Variants in NDOR1 observed in about 807,000 individuals in gnomAD.
The protein encoded by NDOR1 is NADPH dependent diflavin oxidoreductase 1, also known as NADPH-dependent diflavin oxidoreductase 1.
A neutral mutation model predicts 67.2 loss-of-function variants in NDOR1; 61 were observed. That is an observed-to-expected ratio of 0.91 (90% CI 0.74 to 1.12). NDOR1 has a LOEUF of 1.12. NDOR1 is among the 50% of genes most tolerant of loss of function. The pLI, the probability that NDOR1 is intolerant of heterozygous loss-of-function variation, is 0.00. For missense variants in NDOR1, 878 were observed against 802.8 expected, an observed-to-expected ratio of 1.09 and a Z score of -1.13; for synonymous variants, 378 against 343.7, an observed-to-expected ratio of 1.10 and a Z score of -1.10.
In NDOR1 at chr9:137,214,711, C is replaced by T. The variant is rs756041987; in HGVS notation, c.844+20C>T. On this transcript the variant is annotated intron_variant, in intron 7 of 13. Coordinates refer to ENST00000684003, the MANE Select transcript of NDOR1 (RefSeq NM_014434.4). ...AGCCAGGTGAGCCCAGCCTCGGCCACCCTGACTCTCTGCCCTCTCCCGTGC... is the reference window on the plus strand; with the variant it reads ...AGCCAGGTGAGCCCAGCCTCGGCCATCCTGACTCTCTGCCCTCTCCCGTGC... 8 of 1,600,416 alleles carry T rather than the reference C, an allele frequency of 5.0e-6. No individual in the cohort carries two copies. In the African/African-American group the frequency reaches 9.3e-5, roughly 19 times the overall value.
At position 137,216,907 on chromosome 9, in the gene NDOR1, GC is replaced by G. The variant is rs1165593284; in HGVS notation, c.*493del. On this transcript the variant is annotated 3_prime_UTR_variant, in exon 14 of 14. Transcript: ENST00000684003. ...GGCTGGGCTCAGAGGCCACTGAGAT[GC>G]CAGCTCCTTGAGAGCAGTGGGGGTG... The G allele has an allele frequency of 5.3e-6, 1 of 189,244 alleles. No individual in the cohort carries two copies. The highest frequency in any genetic ancestry group is 1.1e-5 in the Non-Finnish European group (1 of 90,298). 11.7% of individuals were successfully genotyped at this position (189,244 alleles called of 1,614,324 possible).
Position 137,218,471 on chromosome 9 carries a change from C to T in NDOR1, c.*2055C>T, listed in dbSNP as rs1398882817. The T allele has an allele frequency of 1.5e-5, 6 of 396,984 alleles. No homozygotes were observed. Among genetic ancestry groups the T allele is most frequent in the Non-Finnish European group, 2.2e-5 (5 of 226,108 alleles). 24.6% of individuals were successfully genotyped at this position (396,984 alleles called of 1,614,324 possible). On this transcript the variant is annotated 3_prime_UTR_variant, in exon 14 of 14. Transcript: ENST00000684003. ...TGCCCGGCTCTGGACCCTGCGGGAG[C>T]GGGGACCCTGTGCCCGCCGCCTGGC...
In NDOR1 at chr9:137,218,664, A is replaced by G; in HGVS notation, c.*2248A>G. On this transcript the variant is annotated 3_prime_UTR_variant, in exon 14 of 14. Coordinates refer to ENST00000684003, the MANE Select transcript of NDOR1 (RefSeq NM_014434.4). ...GGGGCCCAGACTGGCCCACGTCCCC[A>G]TGCCTGGGTGCTGTGAGGCCTGATG... The G allele has an allele frequency of 2.5e-6, 1 of 398,348 alleles. No homozygotes were observed. 24.7% of individuals were successfully genotyped at this position (398,348 alleles called of 1,614,324 possible).
chr9:137,210,515 T>A (rs1378630857), intron 2 of NDOR1, among the ~76,000 whole-genome samples: 1 of 151,650 alleles, frequency 6.6e-6, no homozygotes, highest in Non-Finnish European at 1.5e-5. Flanking sequence ...TGGCCAGAAA[T>A]AGTTCTTTAA....
At chr9:137,215,329 G>C in intron 9 of NDOR1, 78 bp from the exon 10 acceptor site, 3 of 1,551,756 alleles carry the variant, frequency 1.9e-6, no homozygotes, top group Non-Finnish European at 1.8e-6. Flanking sequence ...GCCTCTGCGG[G>C]AGGTAGGTGG....
At position 137,219,360 on chromosome 9, in the gene NDOR1, G is replaced by A. The variant is rs1039619201; in HGVS notation, c.*2944G>A. The A allele has an allele frequency of 7.9e-5, 12 of 151,688 alleles. No homozygotes were observed. The highest frequency in any genetic ancestry group is 2.9e-4 in the African/African-American group (12 of 41,302). 9.4% of individuals were successfully genotyped at this position (151,688 alleles called of 1,614,324 possible). A position where few individuals can be genotyped will look rare whatever the true frequency, so the allele number is the denominator to read the frequency against. ...AGCTTTCAATAAACCAGCTCCTGGG[G>A]ATGCCATTGTTACTACTTGTCTTTG... On this transcript the variant is annotated 3_prime_UTR_variant, in exon 14 of 14. Coordinates refer to ENST00000684003, the MANE Select transcript of NDOR1 (RefSeq NM_014434.4).
At position 137,215,528 on chromosome 9, in the gene NDOR1, C is replaced by G. The variant is rs771695894; in HGVS notation, c.1288+7C>G. On this transcript the variant is annotated splice_region_variant and intron_variant, in intron 10 of 13. Transcript: ENST00000684003. ...TCCCTGGACCCTGGGCAAGGTGACC[C>G]CTGCTCCCAGGGTGGGGGCCGTGGG... The G allele has an allele frequency of 6.2e-7, 1 of 1,612,894 alleles. No individual in the cohort carries two copies. Among genetic ancestry groups the G allele is most frequent in the South Asian group, 1.1e-5 (1 of 91,068 alleles).
At chr9:137,210,833 T>C (rs530706523) in intron 2 of NDOR1, among the ~76,000 whole-genome samples, 3 of 152,212 alleles carry the variant, frequency 2.0e-5, no homozygotes, top group East Asian at 3.9e-4. Context: ...GATGACAGAA[T>C]GAGACCCTGT....
intron 2 of NDOR1, among the ~76,000 whole-genome samples, chr9:137,210,218 CT>C (rs1835185160): frequency 6.6e-6 from 1 of 151,712 alleles, no homozygotes; most frequent in East Asian, 1.9e-4. Flanking sequence ...TTTTCTCTTT[CT>C]CTTTTTCTTT....
chr9:137,213,516 C>T (rs1005053817), intron 3 of NDOR1, among the ~76,000 whole-genome samples: 2 of 152,306 alleles, frequency 1.3e-5, no homozygotes. Context: ...AGGCCGCCTG[C>T]TCCCACCCAC....
rs1003555793 is a variant in NDOR1, at chr9:137,218,125, G to C, written c.*1709G>C. On this transcript the variant is annotated 3_prime_UTR_variant, in exon 14 of 14. Coordinates refer to ENST00000684003, the MANE Select transcript of NDOR1 (RefSeq NM_014434.4). ...GGCCCAGAGAGCGCCGCCTGGCCCT[G>C]CTGAACTGTAGCCACGGCCTGTGTG... is the stretch of plus-strand genomic sequence containing the variant. 2 of 398,630 alleles carry C rather than the reference G, an allele frequency of 5.0e-6. No individual in the cohort carries two copies. The highest frequency in any genetic ancestry group is 4.1e-5 in the African/African-American group (2 of 48,630). The allele number at this position is 398,630 out of a possible 1,614,324, so 24.7% of individuals were successfully genotyped here.
Position 137,216,926 on chromosome 9 carries a change from T to TGG in NDOR1, c.*514_*515dup, listed in dbSNP as rs1835636932. The TGG allele has an allele frequency of 5.3e-6, 1 of 189,346 alleles. No homozygotes were observed. Among genetic ancestry groups the TGG allele is most frequent in the Non-Finnish European group, 1.1e-5 (1 of 90,414 alleles). The allele number at this position is 189,346 out of a possible 1,614,324, so 11.7% of individuals were successfully genotyped here. A position where few individuals can be genotyped will look rare whatever the true frequency, so the allele number is the denominator to read the frequency against. ...TGAGATGCCAGCTCCTTGAGAGCAG[T>TGG]GGGGGTGTCCCAGGCCAGAGCAGCC... On this transcript the variant is annotated 3_prime_UTR_variant, in exon 14 of 14. Transcript: ENST00000684003.
intron 3 of NDOR1, among the ~76,000 whole-genome samples, chr9:137,213,305 G>A (rs140923630): frequency 6.6e-6 from 1 of 152,294 alleles, no homozygotes; most frequent in East Asian, 1.9e-4. Flanking sequence ...TGCCGACAGC[G>A]TTCCCAGGGA....
intron 2 of NDOR1, among the ~76,000 whole-genome samples, chr9:137,208,707 A>G (rs900410787): frequency 2.0e-5 from 3 of 151,712 alleles, no homozygotes; most frequent in Non-Finnish European, 1.5e-5. Flanking sequence ...GCCTGTGATC[A>G]CAGTTACTCC....
chr9:137,216,681 C>T lies in NDOR1; in HGVS notation c.*265C>T. ...TGTGTCCTCGTCCCCCCACCCCCTTCCCAGTCAAGGTGGTGGCCTGGGCCG... is the reference window on the plus strand; with the variant it reads ...TGTGTCCTCGTCCCCCCACCCCCTTTCCAGTCAAGGTGGTGGCCTGGGCCG... On this transcript the variant is annotated 3_prime_UTR_variant, in exon 14 of 14. Transcript: ENST00000684003. 1.9e-6 allele frequency: 1 copy of T among 526,502 alleles called. No homozygotes were observed. Among genetic ancestry groups the T allele is most frequent in the South Asian group, 2.1e-5 (1 of 47,722 alleles). The allele number at this position is 526,502 out of a possible 1,614,324, so 32.6% of individuals were successfully genotyped here. A position where few individuals can be genotyped will look rare whatever the true frequency, so the allele number is the denominator to read the frequency against.
rs1290586909 is a variant in NDOR1 at position 137,214,381 on chromosome 9, G to T, written c.690G>T (p.Leu230=). ...TGPSHFQDVR[L]IEFDILGSGI... ...CCTCCCACTTCCAGGACGTTCGGCT[G>T]ATTGAGTTTGACATCTTGGGCTCTG... Residue 230 remains leucine (L), a synonymous_variant, in exon 6 of 14, where the codon CTG becomes CTT. Coordinates refer to ENST00000684003, the MANE Select transcript of NDOR1 (RefSeq NM_014434.4). 6.2e-7 allele frequency: 1 copy of T among 1,614,064 alleles called. No individual in the cohort carries two copies. The highest frequency in any genetic ancestry group is 8.5e-7 in the Non-Finnish European group (1 of 1,180,042).
In NDOR1 at chr9:137,212,738, A is replaced by C. The variant is rs1449576285; in HGVS notation, c.311+139A>C. ...CCCTCGCAGTGGTACTGGCTTCTCC[A>C]CAACGCTCCCTGGTGGGCACCCCAG... On this transcript the variant is annotated intron_variant, in intron 3 of 13. Transcript: ENST00000684003. The surrounding 1 kb of genome is among the most constrained non-coding windows in gnomAD (Gnocchi z 4.3). 5 of 740,378 alleles carry C rather than the reference A, an allele frequency of 6.8e-6. No individual in the cohort carries two copies. The highest frequency in any genetic ancestry group is 1.2e-5 in the Non-Finnish European group (5 of 433,548). The allele number at this position is 740,378 out of a possible 1,614,324, so 45.9% of individuals were successfully genotyped here.
Position 137,216,020 on chromosome 9 carries a change from G to T in NDOR1, c.1554+3G>T. ...TCCCTGCCTTCTCCCGGGAACAGGT[G>T]TGTATGCTCAGGGGCTGGGAAAGGA... is the stretch of plus-strand genomic sequence containing the variant. On this transcript the variant is annotated splice_donor_region_variant and intron_variant, in intron 12 of 13. Transcript: ENST00000684003. The T allele has an allele frequency of 6.2e-7, 1 of 1,613,610 alleles. No individual in the cohort carries two copies. Among genetic ancestry groups the T allele is most frequent in the Non-Finnish European group, 8.5e-7 (1 of 1,180,012 alleles).
In NDOR1 at chr9:137,216,437, C is replaced by T; in HGVS notation, c.*21C>T. 1.9e-6 allele frequency: 3 copies of T among 1,586,566 alleles called. No individual in the cohort carries two copies. Among genetic ancestry groups the T allele is most frequent in the Non-Finnish European group, 2.6e-6 (3 of 1,169,592 alleles). The stretch of plus-strand genomic sequence containing the variant: ...CCTGAGGCCCGCGGCTGCCCGTGCC[C>T]CCTCTGACAGCCATCCTCCTGGGAG... On this transcript the variant is annotated 3_prime_UTR_variant, in exon 14 of 14. Transcript: ENST00000684003.
Sources: allele counts gnomAD v4.1 joint callset (sites outside exome capture counted in the v4.1 genomes callset), GRCh38; gene constraint gnomAD v4.1.1; non-coding constraint Gnocchi (gnomAD v3.1); transcripts MANE v1.5; gene names NCBI Gene and HGNC (gene_info 2026-07-23, HGNC 2026-07-21).